The following CDH4 variants were observed in gnomAD, a reference collection of about 807,000 sequenced individuals.
CDH4 encodes cadherin-4.
Under a neutral mutation model 86.0 loss-of-function variants are expected in CDH4, and 33 were observed. That is an observed-to-expected ratio of 0.38 (90% CI 0.29 to 0.51). The LOEUF is 0.51. Ranked by LOEUF, CDH4 falls within the 20% of genes least tolerant of loss-of-function variation. CDH4 has a pLI of 0.86. For synonymous variants in CDH4, 555 were observed against 549.4 expected (o/e 1.01, Z -0.14); for missense variants, 1,114 against 1,307.4 (o/e 0.85, Z 2.28).
At chr20:61,363,616 C>T (rs944285174) in intron 2 of CDH4, among the ~76,000 whole-genome samples, 8 of 152,262 alleles carry the variant, frequency 5.3e-5, no homozygotes, top group South Asian at 4.2e-4. Context: ...GGATGAAGGG[C>T]AGGTGTCAAG....
intron 2 of CDH4, among the ~76,000 whole-genome samples, chr20:61,457,934 A>G (rs367790985): frequency 0.025 from 3,467 of 140,908 alleles, 171 homozygotes; most frequent in African/African-American, 0.088. Context: ...CAGTGCTGAC[A>G]CTGTGGTGGT....
intron 6 of CDH4, among the ~76,000 whole-genome samples, chr20:61,866,629 G>T (rs1294253461): frequency 1.3e-5 from 2 of 152,236 alleles, no homozygotes; most frequent in Non-Finnish European, 2.9e-5. Context: ...GTACGATCCA[G>T]ACCCTTTGGC....
At chr20:61,585,191 T>A (rs776630248) in intron 2 of CDH4, among the ~76,000 whole-genome samples, 11 of 152,216 alleles carry the variant, frequency 7.2e-5, no homozygotes, top group Non-Finnish European at 1.6e-4. Context: ...AATAAAACGA[T>A]CCTGCTGAAA....
intron 2 of CDH4, among the ~76,000 whole-genome samples, chr20:61,375,425 T>C (rs2084861622): frequency 6.6e-6 from 1 of 151,678 alleles, no homozygotes; most frequent in Non-Finnish European, 1.5e-5. Context: ...GTGATGGTGC[T>C]GGTGGTGGTC....
At chr20:61,748,660 A>C (rs570130778) in intron 3 of CDH4, among the ~76,000 whole-genome samples, 40 of 152,238 alleles carry the variant, frequency 2.6e-4, no homozygotes, top group Non-Finnish European at 4.8e-4. Flanking sequence ...TTACAGCAAA[A>C]ACTGCATAAA....
Position 61,789,494 on chromosome 20 carries a change from C to T in CDH4, c.576+16312C>T, listed in dbSNP as rs532213474. Reference sequence around the variant, plus strand: ...GGGGCCAGCAGTCACACCCTGCCTGCCTGAAGCGGCCTCTCCCTGGAGGAC... The same window carrying T: ...GGGGCCAGCAGTCACACCCTGCCTGTCTGAAGCGGCCTCTCCCTGGAGGAC... On this transcript the variant is annotated intron_variant, in intron 4 of 15. Coordinates refer to ENST00000614565, the MANE Select transcript of CDH4 (RefSeq NM_001794.5). Among the ~76,000 whole-genome samples, 8 of 152,296 alleles carry T rather than the reference C, an allele frequency of 5.3e-5. No homozygotes were observed. The South Asian group carries it at 8.3e-4, about 16-fold the overall frequency.
intron 2 of CDH4, among the ~76,000 whole-genome samples, chr20:61,556,700 C>T (rs542829139): frequency 2.8e-4 from 43 of 152,292 alleles, no homozygotes; most frequent in African/African-American, 9.6e-4. Flanking sequence ...TGTAAGCCCG[C>T]GTGCTTCTCC....
At chr20:61,420,170 A>G (rs1249325228) in intron 2 of CDH4, among the ~76,000 whole-genome samples, 1 of 152,168 alleles carries the variant, frequency 6.6e-6, no homozygotes, top group East Asian at 1.9e-4. Flanking sequence ...GTCCCTCAGG[A>G]GTGTGAGCAG....
chr20:61,702,321 G>A (rs753082562), intron 2 of CDH4, among the ~76,000 whole-genome samples: 8 of 152,272 alleles, frequency 5.3e-5, no homozygotes, highest in South Asian at 2.1e-4. Context: ...TTGTGGAATC[G>A]GGGGCCCAGG....
intron 7 of CDH4, among the ~76,000 whole-genome samples, chr20:61,889,859 A>T (rs1568869282): frequency 6.8e-6 from 1 of 146,086 alleles, no homozygotes; most frequent in Non-Finnish European, 1.5e-5. Flanking sequence ...TAATGGATGG[A>T]TGGATAGATG....
chr20:61,898,773 G>C (rs1179005022), intron 8 of CDH4, among the ~76,000 whole-genome samples: 1 of 152,176 alleles, frequency 6.6e-6, no homozygotes, highest in Non-Finnish European at 1.5e-5. Context: ...GTGTCGTCGG[G>C]AGCACTGCTG....
At chr20:61,454,098 A>G (rs1207968139) in intron 2 of CDH4, among the ~76,000 whole-genome samples, 1 of 152,222 alleles carries the variant, frequency 6.6e-6, no homozygotes, top group Non-Finnish European at 1.5e-5. Flanking sequence ...GTGTGAGAAC[A>G]GACTAACACA....
At chr20:61,885,532 C>T (rs1441307978) in intron 7 of CDH4, among the ~76,000 whole-genome samples, 5 of 152,210 alleles carry the variant, frequency 3.3e-5, no homozygotes, top group African/African-American at 4.8e-5. Flanking sequence ...GTCCATTCAT[C>T]GCTCAATGGA....
chr20:61,840,969 A>T (rs1276010560), intron 4 of CDH4, among the ~76,000 whole-genome samples: 1 of 152,242 alleles, frequency 6.6e-6, no homozygotes, highest in Admixed American at 6.5e-5. Context: ...TTCTCTTTAA[A>T]TAGGTGGTGG....
At chr20:61,484,658 TG>T (rs1296369548) in intron 2 of CDH4, among the ~76,000 whole-genome samples, 1 of 152,210 alleles carries the variant, frequency 6.6e-6, no homozygotes, top group Non-Finnish European at 1.5e-5. Context: ...CAAGGCCTCG[TG>T]GGCACCCTGG....
At chr20:61,289,656 T>C (rs2084311361) in intron 2 of CDH4, among the ~76,000 whole-genome samples, 1 of 152,254 alleles carries the variant, frequency 6.6e-6, no homozygotes, top group Non-Finnish European at 1.5e-5. Context: ...GACACCAAGA[T>C]ATCCCCATAT....
At position 61,501,119 on chromosome 20, in the gene CDH4, T is replaced by A. The variant is rs980887378; in HGVS notation, c.170-242444T>A. Among the ~76,000 whole-genome samples the A allele has an allele frequency of 2.0e-5, 3 of 152,198 alleles. No homozygotes were observed. Among genetic ancestry groups the A allele is most frequent in the Admixed American group, 6.5e-5 (1 of 15,288 alleles). ...TCTTCTCTGGTTAAGACCAGAAACA[T>A]GTTTCTGTAGAGCCCAAAACAGGCC... is the stretch of plus-strand genomic sequence containing the variant. On this transcript the variant is annotated intron_variant, in intron 2 of 15. Transcript: ENST00000614565. The surrounding 1 kb of genome is among the most constrained non-coding windows in gnomAD (Gnocchi z 4.2).
Position 61,254,833 on chromosome 20 carries a change from A to G in CDH4, c.65A>G (p.Asn22Ser). ...TCCCCTTTGTGTTCTCAGGCCCATA[A>G]TGAGGATCTTACAACTAGAGAGACC... ...LSLSGALRAH[N>S]EDLTTRETCK... Residue 22 changes from asparagine to serine, a missense_variant, in exon 2 of 16, where the codon AAT (asparagine) becomes AGT (serine). This residue lies in a region of CDH4 where 221 missense variants were observed against 209.5 expected (regional missense o/e 1.05). Coordinates refer to ENST00000614565, the MANE Select transcript of CDH4 (RefSeq NM_001794.5). 6.3e-7 allele frequency: 1 copy of G among 1,594,372 alleles called. No individual in the cohort carries two copies. Among genetic ancestry groups the G allele is most frequent in the Non-Finnish European group, 8.6e-7 (1 of 1,162,040 alleles).
intron 2 of CDH4, among the ~76,000 whole-genome samples, chr20:61,319,837 C>T (rs2084498484): frequency 6.6e-6 from 1 of 151,470 alleles, no homozygotes; most frequent in Non-Finnish European, 1.5e-5. Context: ...ACCTGTAGTC[C>T]TTAGCTACTC....
Sources: allele counts gnomAD v4.1 joint callset (sites outside exome capture counted in the v4.1 genomes callset), GRCh38; gene constraint gnomAD v4.1.1; regional missense constraint gnomAD v4.1.1; non-coding constraint Gnocchi (gnomAD v3.1); transcripts MANE v1.5; gene names NCBI Gene and HGNC (gene_info 2026-07-23, HGNC 2026-07-21).